Variants in LRP1B observed in about 807,000 individuals in gnomAD.
LRP1B encodes low-density lipoprotein receptor-related protein 1B.
LRP1B carries 217 observed loss-of-function variants against 556.6 expected under a neutral mutation model. The ratio of observed to expected loss-of-function variants is 0.39; its 90% CI spans 0.35 to 0.44. LRP1B has a LOEUF of 0.44. Among genes scored for constraint, LRP1B ranks in the 20% least tolerant of loss-of-function variants. The pLI, the probability that LRP1B is intolerant of heterozygous loss-of-function variation, is 1.00. For synonymous variants in LRP1B, 2,047 were observed against 1,865.8 expected (o/e 1.10, Z -2.50); for missense variants, 5,053 against 5,620.8 (o/e 0.90, Z 3.23).
chr2:140,361,548 A>G (rs1459263975), intron 72 of LRP1B, among the ~76,000 whole-genome samples: 1 of 150,642 alleles, frequency 6.6e-6, no homozygotes, highest in Non-Finnish European at 1.5e-5. Context: ...TCTGGAACTC[A>G]TTTTCCCATG....
At chr2:141,069,938 AG>A (rs1261001231) in intron 7 of LRP1B, among the ~76,000 whole-genome samples, 1 of 150,452 alleles carries the variant, frequency 6.6e-6, no homozygotes, top group African/African-American at 2.4e-5. Flanking sequence ...TATCTCCTAA[AG>A]CTATACCTCC....
chr2:141,174,393 C>T (rs958898629), intron 7 of LRP1B, among the ~76,000 whole-genome samples: 14 of 152,180 alleles, frequency 9.2e-5, no homozygotes, highest in African/African-American at 3.4e-4. Context: ...CATGGAATTG[C>T]AATCCCTACA....
intron 2 of LRP1B, among the ~76,000 whole-genome samples, chr2:141,669,256 G>A (rs1690571290): frequency 6.6e-6 from 1 of 152,110 alleles, no homozygotes; most frequent in African/African-American, 2.4e-5. Flanking sequence ...CAGATACACA[G>A]AGGGAACACC....
chr2:141,307,254 A>T (rs1218376724), intron 3 of LRP1B, among the ~76,000 whole-genome samples: 26 of 151,946 alleles, frequency 1.7e-4, no homozygotes, highest in Non-Finnish European at 5.9e-5. Context: ...CTGCCTTTAG[A>T]TTTAATAATA....
intron 7 of LRP1B, among the ~76,000 whole-genome samples, chr2:141,181,272 A>G (rs187722746): frequency 2.6e-5 from 4 of 152,060 alleles, no homozygotes; most frequent in African/African-American, 9.6e-5. Context: ...CCTGGAAAGA[A>G]TACACTAAAG....
intron 66 of LRP1B, among the ~76,000 whole-genome samples, chr2:140,419,099 A>T (rs1685324908): frequency 6.6e-6 from 1 of 152,210 alleles, no homozygotes. Context: ...CAAATATGGG[A>T]CAAAAACACA....
intron 1 of LRP1B, among the ~76,000 whole-genome samples, chr2:141,992,121 C>T (rs1417358369): frequency 6.6e-6 from 1 of 152,056 alleles, no homozygotes; most frequent in Admixed American, 6.6e-5. Context: ...TGTATATAGT[C>T]ATTATACTGT....
At chr2:140,770,200 G>A (rs146384299) in intron 34 of LRP1B, among the ~76,000 whole-genome samples, 123 of 151,814 alleles carry the variant, frequency 8.1e-4, no homozygotes, top group African/African-American at 2.6e-3. Context: ...GAATTAATAC[G>A]TTTAAGGTGC....
intron 66 of LRP1B, among the ~76,000 whole-genome samples, chr2:140,389,771 G>C (rs574610074): frequency 1.4e-5 from 2 of 146,832 alleles, no homozygotes; most frequent in African/African-American, 5.0e-5. Flanking sequence ...TCATATAATT[G>C]GTTTAATCAC....
intron 89 of LRP1B, among the ~76,000 whole-genome samples, chr2:140,237,899 CAT>C (rs1187134168): frequency 9.3e-5 from 14 of 150,690 alleles, no homozygotes; most frequent in Admixed American, 8.0e-4. Context: ...CAATAAAAAA[CAT>C]ATAAAAACAT....
At chr2:140,482,677 T>C (rs1573988737) in intron 59 of LRP1B, among the ~76,000 whole-genome samples, 1 of 152,270 alleles carries the variant, frequency 6.6e-6, no homozygotes, top group East Asian at 1.9e-4. Context: ...AAAGTGCTAT[T>C]GTAATAATTG....
intron 1 of LRP1B, among the ~76,000 whole-genome samples, chr2:141,813,358 T>C (rs1696421683): frequency 6.6e-6 from 1 of 152,068 alleles, no homozygotes; most frequent in South Asian, 2.1e-4. Flanking sequence ...GGTCAGAGTA[T>C]ATGTCACAGA....
At chr2:141,443,281 GT>G (rs1681055380) in intron 3 of LRP1B, among the ~76,000 whole-genome samples, 1 of 151,890 alleles carries the variant, frequency 6.6e-6, no homozygotes, top group Admixed American at 6.6e-5. Context: ...GAGGCTGTTT[GT>G]TTTTTTCTTG....
intron 59 of LRP1B, among the ~76,000 whole-genome samples, chr2:140,477,876 C>T (rs1022923114): frequency 6.6e-6 from 1 of 152,070 alleles, no homozygotes; most frequent in Non-Finnish European, 1.5e-5. Context: ...CAAATTACTC[C>T]CCACTTATGA....
intron 35 of LRP1B, among the ~76,000 whole-genome samples, chr2:140,747,459 CAT>C (rs1688356192): frequency 6.6e-6 from 1 of 152,106 alleles, no homozygotes; most frequent in South Asian, 2.1e-4. Flanking sequence ...ACTTAGAAGC[CAT>C]ATAGCTTTTT....
At chr2:140,869,677 C>A (rs1448938934) in intron 25 of LRP1B, among the ~76,000 whole-genome samples, 1 of 151,988 alleles carries the variant, frequency 6.6e-6, no homozygotes, top group Non-Finnish European at 1.5e-5. Flanking sequence ...ATTGTCAGGA[C>A]TAGCTGATGG....
At chr2:141,252,124 C>T (rs940740876) in intron 4 of LRP1B, among the ~76,000 whole-genome samples, 2 of 151,874 alleles carry the variant, frequency 1.3e-5, no homozygotes, top group Admixed American at 1.3e-4. Context: ...CTTCAGTCAC[C>T]CTTTGTTGTA....
chr2:141,807,486 G>T (rs1351578560), intron 2 of LRP1B, among the ~76,000 whole-genome samples: 2 of 152,122 alleles, frequency 1.3e-5, no homozygotes, highest in East Asian at 3.9e-4. Context: ...AATGTTAGAG[G>T]ATAAAATATG....
At chr2:142,027,118 G>C (rs909553810) in intron 1 of LRP1B, among the ~76,000 whole-genome samples, 1 of 151,942 alleles carries the variant, frequency 6.6e-6, no homozygotes, top group Non-Finnish European at 1.5e-5. Context: ...CTTTGTGGGT[G>C]CATTGTAAGT....
Sources: allele counts gnomAD v4.1 joint callset (sites outside exome capture counted in the v4.1 genomes callset), GRCh38; gene constraint gnomAD v4.1.1; transcripts MANE v1.5; gene names NCBI Gene and HGNC (gene_info 2026-07-23, HGNC 2026-07-21).